Variants in ELOVL3 observed in about 807,000 individuals in gnomAD.
ELOVL3 encodes ELOVL fatty acid elongase 3, also known as very long chain fatty acid elongase 3.
In ELOVL3, 11 loss-of-function variants were observed where a neutral mutation model predicts 14.9. The ratio of observed to expected loss-of-function variants is 0.74; its 90% CI spans 0.46 to 1.22. The LOEUF (loss-of-function observed/expected upper bound fraction) is 1.22, where lower values mean the gene tolerates loss of function less well. Among genes scored for constraint, ELOVL3 ranks in the 50% most tolerant of loss-of-function variants. The pLI is 0.00. For missense variants in ELOVL3, 277 were observed against 338.9 expected (o/e 0.82, Z 1.43); for synonymous variants, 117 against 124.7 (o/e 0.94, Z 0.41).
chr10:102,227,709 A>T lies in ELOVL3; in HGVS notation c.185A>T (p.Asn62Ile). The T allele has an allele frequency of 6.2e-7, 1 of 1,613,750 alleles. No homozygotes were observed. Among genetic ancestry groups the T allele is most frequent in the Non-Finnish European group, 8.5e-7 (1 of 1,179,896 alleles). ...TACATGAAGGAACGCAAGGGCTTCAACCTGCAAGGGCCTCTCATCCTCTGG... is the reference window on the plus strand; with the variant it reads ...TACATGAAGGAACGCAAGGGCTTCATCCTGCAAGGGCCTCTCATCCTCTGG... The part of the protein sequence containing the change: ...QNYMKERKGF[N>I]LQGPLILWSF... Residue 62 changes from asparagine to isoleucine, a missense_variant, in exon 2 of 4, where the codon AAC (asparagine) becomes ATC (isoleucine). Transcript: ENST00000370005.
chr10:102,227,132 C>T (rs563631858), intron 1 of ELOVL3, among the ~76,000 whole-genome samples: 1 of 152,132 alleles, frequency 6.6e-6, no homozygotes, highest in Non-Finnish European at 1.5e-5. Context: ...TCTGGCTTTG[C>T]CTTAAAGCTC....
Position 102,226,624 on chromosome 10 carries a change from A to T in ELOVL3, c.76A>T (p.Met26Leu). The change falls in exon 1 of 4, where the codon ATG becomes TTG. Residue 26 changes from methionine (M) to leucine (L), a missense_variant. By Grantham distance (15) the Met-to-Leu change is conservative. Coordinates refer to ENST00000370005, the MANE Select transcript of ELOVL3 (RefSeq NM_152310.3). ...CTATAACTTCGAGCTGTCCAAGGACATGAGGCCCTTTTTCGAGGAGTATTG... is the reference window on the plus strand; with the variant it reads ...CTATAACTTCGAGCTGTCCAAGGACTTGAGGCCCTTTTTCGAGGAGTATTG... ...QPYNFELSKD[M>L]RPFFEEYWAT... 1 of 1,613,914 alleles carries T rather than the reference A, an allele frequency of 6.2e-7. No homozygotes were observed. Among genetic ancestry groups the T allele is most frequent in the Non-Finnish European group, 8.5e-7 (1 of 1,179,856 alleles).
At chr10:102,226,997 G>T (rs1173636767) in intron 1 of ELOVL3, among the ~76,000 whole-genome samples, 3 of 151,864 alleles carry the variant, frequency 2.0e-5, no homozygotes, top group Non-Finnish European at 4.4e-5. Context: ...TGTGCACAGT[G>T]CAGGGCCCGG....
intron 1 of ELOVL3, 64 bp from the exon 2 acceptor site, chr10:102,227,562 T>G: frequency 1.3e-6 from 2 of 1,557,262 alleles, no homozygotes; most frequent in Non-Finnish European, 1.7e-6. Flanking sequence ...CCTGGAGAGA[T>G]GAGTGGGCAT....
intron 1 of ELOVL3, among the ~76,000 whole-genome samples, chr10:102,226,882 G>T (rs1476776560): frequency 2.6e-5 from 4 of 152,024 alleles, no homozygotes; most frequent in African/African-American, 7.2e-5. Context: ...GAAATATACA[G>T]AAGTCAAAGA....
rs540283969 is a variant in ELOVL3 at position 102,228,567 on chromosome 10, C to G, written c.384C>G (p.Leu128=). 3.1e-6 allele frequency: 5 copies of G among 1,613,814 alleles called. No homozygotes were observed. The highest frequency in any genetic ancestry group is 1.3e-5 in the African/African-American group (1 of 74,916). ...TTCTTCTCAGCAAGGTCATAGAACT[C>G]GGTGAGTGGCAAAGCTTTGTCTTTC... ...WVFLLSKVIE[L]GDTAFIILRK... The change falls in exon 3 of 4, where the codon CTC becomes CTG. Residue 128 remains leucine (L), a splice_region_variant and synonymous_variant. Transcript: ENST00000370005.
chr10:102,226,992 A>C (rs776031544), intron 1 of ELOVL3, among the ~76,000 whole-genome samples: 20 of 151,792 alleles, frequency 1.3e-4, no homozygotes, highest in Non-Finnish European at 2.6e-4. Context: ...GCGTGTGTGC[A>C]CAGTGCAGGG....
At chr10:102,226,183 C>T, upstream of ELOVL3, 1 of 194,356 alleles carries the variant, frequency 5.1e-6, no homozygotes, top group South Asian at 8.3e-5. Context: ...GGACTTGGGG[C>T]GGGGTGTGCG....
chr10:102,226,117 G>A (rs2070132782), upstream of ELOVL3, among the ~76,000 whole-genome samples: 1 of 152,244 alleles, frequency 6.6e-6, no homozygotes, highest in African/African-American at 2.4e-5. Context: ...ACAGGATGGG[G>A]TGGACGTTTT....
chr10:102,226,563 G>T lies in ELOVL3; in HGVS notation c.15G>T (p.Met5Ile). The T allele has an allele frequency of 6.2e-7, 1 of 1,613,960 alleles. No homozygotes were observed. Among genetic ancestry groups the T allele is most frequent in the Non-Finnish European group, 8.5e-7 (1 of 1,179,862 alleles). ...TGCAAAACTAGATGGTCACAGCCAT[G>T]AATGTCTCACATGAAGTAAATCAGC... is the stretch of plus-strand genomic sequence containing the variant. MVTA[M>I]NVSHEVNQLF... Residue 5 changes from methionine to isoleucine, a missense_variant, in exon 1 of 4, where the codon ATG (methionine) becomes ATT (isoleucine). Transcript: ENST00000370005.
At chr10:102,225,403 T>C (rs925885616), upstream of ELOVL3, among the ~76,000 whole-genome samples, 2 of 152,246 alleles carry the variant, frequency 1.3e-5, no homozygotes, top group African/African-American at 4.8e-5. Flanking sequence ...TTTATATCTA[T>C]GTTTCTTAGC....
intron 2 of ELOVL3, among the ~76,000 whole-genome samples, 159 bp from the exon 3 acceptor site, chr10:102,228,258 C>T (rs933114056): frequency 8.5e-5 from 13 of 152,136 alleles, no homozygotes; most frequent in African/African-American, 2.9e-4. Flanking sequence ...TTGGATCTAC[C>T]AGATTGGCTT....
In ELOVL3 at chr10:102,228,507, C is replaced by T. The variant is rs747038196; in HGVS notation, c.324C>T (p.Ile108=). 32 of 1,613,998 alleles carry T rather than the reference C, an allele frequency of 2.0e-5. No homozygotes were observed. The highest frequency in any genetic ancestry group is 9.3e-5 in the African/African-American group (7 of 74,896). The part of the protein sequence containing the change: ...LKQTVCFINF[I]DNSTVKFWSW... ...AAACCGTGTGCTTCATCAACTTCAT[C>T]GATAATTCCACAGTCAAATTCTGGT... is the stretch of plus-strand genomic sequence containing the variant. The change falls in exon 3 of 4, where the codon ATC becomes ATT. Residue 108 remains isoleucine, a synonymous_variant. Transcript: ENST00000370005.
chr10:102,227,892 G>T, intron 2 of ELOVL3, 135 bp downstream of exon 2: 3 of 1,008,068 alleles, frequency 3.0e-6, no homozygotes, highest in Non-Finnish European at 4.5e-6. Context: ...CTCATTCTCG[G>T]CTTTAGTTCC....
At chr10:102,228,372 T>A in intron 2 of ELOVL3, 45 bp from the exon 3 acceptor site, 1 of 1,594,540 alleles carries the variant, frequency 6.3e-7, no homozygotes, top group Non-Finnish European at 8.6e-7. Flanking sequence ...GGATTATTGG[T>A]GCCTGGGGAT....
chr10:102,227,778 C>T, intron 2 of ELOVL3, 21 bp downstream of exon 2: 1 of 1,612,296 alleles, frequency 6.2e-7, no homozygotes, highest in Non-Finnish European at 8.5e-7. Flanking sequence ...ATCCCACTCC[C>T]TGCCTCTTCT....
intron 1 of ELOVL3, among the ~76,000 whole-genome samples, chr10:102,227,263 A>G (rs1260131652): frequency 2.0e-5 from 3 of 152,140 alleles, no homozygotes; most frequent in Non-Finnish European, 4.4e-5. Context: ...AGCCCCAACC[A>G]GGGAGAAGCT....
intron 1 of ELOVL3, 114 bp downstream of exon 1, chr10:102,226,763 T>C (rs1190999965): frequency 1.4e-6 from 1 of 705,886 alleles, no homozygotes; most frequent in African/African-American, 1.8e-5. Context: ...GGGACTCCCT[T>C]GTACTGGCTT....
At position 102,226,479 on chromosome 10, in the gene ELOVL3, C is replaced by A; in HGVS notation, c.-70C>A. ...CTGTTCCGTCTCGCCCCGAGGTTCA[C>A]GCCATCCTCGGAGCCCCAGCCTTTC... On this transcript the variant is annotated 5_prime_UTR_variant, in exon 1 of 4. Coordinates refer to ENST00000370005, the MANE Select transcript of ELOVL3 (RefSeq NM_152310.3). 1 of 1,129,096 alleles carries A rather than the reference C, an allele frequency of 8.9e-7. No individual in the cohort carries two copies. Among genetic ancestry groups the A allele is most frequent in the South Asian group, 1.3e-5 (1 of 77,996 alleles). The allele number at this position is 1,129,096 out of a possible 1,614,324, so 69.9% of individuals were successfully genotyped here.
Sources: allele counts gnomAD v4.1 joint callset (sites outside exome capture counted in the v4.1 genomes callset), GRCh38; gene constraint gnomAD v4.1.1; transcripts MANE v1.5; gene names NCBI Gene and HGNC (gene_info 2026-07-23, HGNC 2026-07-21).